Variants in SLC35D2 observed in about 807,000 individuals in gnomAD.
The protein encoded by SLC35D2 is solute carrier family 35 member D2.
A neutral mutation model predicts 41.8 loss-of-function variants in SLC35D2; 43 were observed. The ratio of observed to expected loss-of-function variants is 1.03; its 90% CI spans 0.81 to 1.33. The LOEUF is 1.33. SLC35D2 is among the 40% of genes most tolerant of loss of function. SLC35D2 has a pLI of 0.00. For missense variants in SLC35D2, 380 were observed against 408.4 expected (o/e 0.93, Z 0.60); for synonymous variants, 150 against 163.9 (o/e 0.92, Z 0.65).
At chr9:96,337,400 T>C (rs1829095159) in intron 8 of SLC35D2, among the ~76,000 whole-genome samples, 1 of 151,506 alleles carries the variant, frequency 6.6e-6, no homozygotes, top group South Asian at 2.1e-4. Flanking sequence ...TTTCTTTAAG[T>C]AGAGACAGGG....
chr9:96,368,604 C>A (rs1830561961), intron 1 of SLC35D2, among the ~76,000 whole-genome samples: 1 of 151,090 alleles, frequency 6.6e-6, no homozygotes, highest in African/African-American at 2.4e-5. Context: ...ATGGCTCAAG[C>A]CATCTTTCCA....
Position 96,336,695 on chromosome 9 carries a change from C to T in SLC35D2, c.752+22G>A, listed in dbSNP as rs775977510. The T allele has an allele frequency of 5.0e-5, 71 of 1,411,002 alleles. No homozygotes were observed. The highest frequency in any genetic ancestry group is 6.9e-5 in the Non-Finnish European group (69 of 1,007,240). The allele number at this position is 1,411,002 out of a possible 1,614,324, so 87.4% of individuals were successfully genotyped here. A position where few individuals can be genotyped will look rare whatever the true frequency, so the allele number is the denominator to read the frequency against. ...CAAGAGATACTGTTGACCAATGCTT[C>T]TACTTATCTATGGTTTCTTACCCCA... On this transcript the variant is annotated intron_variant, in intron 9 of 11. Transcript: ENST00000253270.
intron 8 of SLC35D2, among the ~76,000 whole-genome samples, chr9:96,339,828 T>C (rs1053469179): frequency 6.6e-6 from 1 of 152,238 alleles, no homozygotes. Flanking sequence ...ATTGAGGCAC[T>C]GTTAATAGAT....
At chr9:96,371,780 G>A (rs1035409787) in intron 1 of SLC35D2, among the ~76,000 whole-genome samples, 1 of 126,180 alleles carries the variant, frequency 7.9e-6, no homozygotes, top group African/African-American at 3.1e-5. Context: ...AGGCTGGAGT[G>A]CAGTGGCGGG....
chr9:96,370,093 C>T (rs7851198), intron 1 of SLC35D2, among the ~76,000 whole-genome samples: 36,229 of 151,986 alleles, frequency 0.24, 6,103 homozygotes, highest in African/African-American at 0.49. Context: ...ACTCCCTGAG[C>T]ATGGCCTGCA....
At chr9:96,330,914 T>TCA (rs1828779687) in intron 9 of SLC35D2, among the ~76,000 whole-genome samples, 2 of 152,008 alleles carry the variant, frequency 1.3e-5, no homozygotes, top group South Asian at 2.1e-4. Context: ...TTTTATTTAT[T>TCA]TATTTATTTA....
intron 9 of SLC35D2, among the ~76,000 whole-genome samples, chr9:96,333,423 C>T (rs1392118834): frequency 1.3e-5 from 2 of 150,634 alleles, no homozygotes; most frequent in Non-Finnish European, 3.0e-5. Flanking sequence ...GGTGAAACCC[C>T]GTCTCTACTA....
At chr9:96,341,766 C>A (rs992292876) in intron 8 of SLC35D2, among the ~76,000 whole-genome samples, 1 of 152,100 alleles carries the variant, frequency 6.6e-6, no homozygotes, top group Non-Finnish European at 1.5e-5. Context: ...TCTTCTGAAA[C>A]AATGTTATAC....
At chr9:96,350,922 A>G (rs1428741772) in intron 6 of SLC35D2, 181 bp downstream of exon 6, 10 of 506,596 alleles carry the variant, frequency 2.0e-5, no homozygotes, top group Non-Finnish European at 3.2e-5. Flanking sequence ...TTTTCTGGCC[A>G]ATGTGGGACC....
intron 4 of SLC35D2, among the ~76,000 whole-genome samples, chr9:96,359,015 T>C (rs1041469718): frequency 5.3e-5 from 8 of 150,182 alleles, no homozygotes; most frequent in African/African-American, 2.0e-4. Flanking sequence ...CTTAAAATCA[T>C]TAACAGTGGC....
intron 4 of SLC35D2, among the ~76,000 whole-genome samples, chr9:96,355,950 G>A (rs1830004390): frequency 6.6e-6 from 1 of 152,164 alleles, no homozygotes; most frequent in South Asian, 2.1e-4. Flanking sequence ...CTACAGTTTG[G>A]ATATCTGACC....
At chr9:96,350,949 G>A (rs1381804567) in intron 6 of SLC35D2, 154 bp downstream of exon 6, 6 of 558,534 alleles carry the variant, frequency 1.1e-5, no homozygotes, top group Non-Finnish European at 1.9e-5. Context: ...GACTTTCATA[G>A]GAACACATGG....
chr9:96,313,474 T>C (rs1827979208), exon 12 of SLC35D2, among the ~76,000 whole-genome samples: 1 of 152,200 alleles, frequency 6.6e-6, no homozygotes, highest in Admixed American at 6.5e-5. Context: ...TAGGGCTTCA[T>C]TACATAAACT....
chr9:96,317,039 G>GAGGCAGGA (rs1263656332), downstream of SLC35D2, among the ~76,000 whole-genome samples: 1 of 151,916 alleles, frequency 6.6e-6, no homozygotes, highest in Non-Finnish European at 1.5e-5. Context: ...TGGGGAGGCT[G>GAGGCAGGA]AGGCAGGAGA....
At position 96,374,843 on chromosome 9, in the gene SLC35D2, CAAAA is replaced by C. The variant is rs1179481303; in HGVS notation, c.159-6542_159-6539del. On this transcript the variant is annotated intron_variant, in intron 1 of 11. Coordinates refer to ENST00000253270, the MANE Select transcript of SLC35D2 (RefSeq NM_007001.3). ...AAAGAGCAAGAGCGACACTCCGCCT[CAAAA>C]AAAAAAAAAAAATTCATTTATGTTT... Among the ~76,000 whole-genome samples the C allele has an allele frequency of 4.7e-5, 5 of 107,512 alleles. No homozygotes were observed. In the South Asian group the frequency reaches 1.2e-3, roughly 26 times the overall value. The allele number at this position is 107,512 out of a possible 152,430, so 70.5% of individuals were successfully genotyped here.
At chr9:96,326,832 G>C (rs909764316) in intron 9 of SLC35D2, among the ~76,000 whole-genome samples, 3 of 148,986 alleles carry the variant, frequency 2.0e-5, no homozygotes, top group Non-Finnish European at 3.0e-5. Flanking sequence ...GAAAATCCAA[G>C]TTTCTCAAAT....
chr9:96,335,133 G>A (rs141005741), intron 9 of SLC35D2, among the ~76,000 whole-genome samples: 69 of 152,320 alleles, frequency 4.5e-4, no homozygotes, highest in African/African-American at 1.6e-3. Context: ...GCAGGTGAGA[G>A]GGAATCCATC....
chr9:96,344,565 A>AT (rs1384702176), intron 7 of SLC35D2, among the ~76,000 whole-genome samples: 43 of 71,342 alleles, frequency 6.0e-4, no homozygotes, highest in African/African-American at 2.6e-3. Flanking sequence ...AACAGAGCAG[A>AT]TAAAAAAAAA....
At chr9:96,368,828 G>A (rs574302604) in intron 1 of SLC35D2, among the ~76,000 whole-genome samples, 51 of 151,634 alleles carry the variant, frequency 3.4e-4, no homozygotes, top group African/African-American at 1.0e-3. Context: ...GCAGTGGCAC[G>A]ATCTCAGCTC....
Sources: allele counts gnomAD v4.1 joint callset (sites outside exome capture counted in the v4.1 genomes callset), GRCh38; gene constraint gnomAD v4.1.1; transcripts MANE v1.5; gene names NCBI Gene and HGNC (gene_info 2026-07-23, HGNC 2026-07-21).